Variants in KCNAB1 observed in about 807,000 individuals in gnomAD.
KCNAB1 encodes the protein potassium voltage-gated channel subfamily A regulatory beta subunit 1, also known as voltage-gated potassium channel subunit beta-1.
A neutral mutation model predicts 64.6 loss-of-function variants in KCNAB1; 35 were observed. The observed-to-expected ratio is 0.54, with a 90% CI of 0.41 to 0.72. The LOEUF is 0.72. KCNAB1 is among the 30% of genes least tolerant of loss of function. KCNAB1 has a pLI of 0.00. For synonymous variants in KCNAB1, 177 were observed against 183.8 expected (o/e 0.96, Z 0.30); for missense variants, 401 against 512.9 (o/e 0.78, Z 2.11).
intron 1 of KCNAB1, among the ~76,000 whole-genome samples, chr3:156,224,539 C>G (rs1716029424): frequency 6.6e-6 from 1 of 152,158 alleles, no homozygotes; most frequent in Non-Finnish European, 1.5e-5. Context: ...CAATTCAAAC[C>G]CAAACCCAGC....
chr3:156,217,695 C>T (rs1715411921), intron 1 of KCNAB1, among the ~76,000 whole-genome samples: 1 of 152,210 alleles, frequency 6.6e-6, no homozygotes, highest in Non-Finnish European at 1.5e-5. Context: ...AAAGAGTGCT[C>T]ATTATTTAAC....
chr3:156,158,190 ATAAAT>A (rs1560112472), intron 1 of KCNAB1, among the ~76,000 whole-genome samples: 3,088 of 126,274 alleles, frequency 0.024, 97 homozygotes, highest in Middle Eastern at 0.076. Flanking sequence ...AAATAAATAA[ATAAAT>A]AAATAAATAA....
intron 3 of KCNAB1, among the ~76,000 whole-genome samples, chr3:156,455,763 T>C (rs1394419603): frequency 6.6e-6 from 1 of 152,186 alleles, no homozygotes; most frequent in Non-Finnish European, 1.5e-5. Context: ...TGGGTCTTTG[T>C]GTATCGACTG....
At chr3:156,497,275 A>C (rs1275592581) in intron 8 of KCNAB1, among the ~76,000 whole-genome samples, 1 of 152,234 alleles carries the variant, frequency 6.6e-6, no homozygotes, top group Non-Finnish European at 1.5e-5. Flanking sequence ...ATCTCCTTCC[A>C]GACATGTGCC....
At chr3:156,531,569 C>A in intron 13 of KCNAB1, 72 bp downstream of exon 13, 2 of 1,105,484 alleles carry the variant, frequency 1.8e-6, no homozygotes, top group Non-Finnish European at 2.8e-6. Context: ...GGCAGTGTCC[C>A]ATCTCTCCCC....
intron 1 of KCNAB1, among the ~76,000 whole-genome samples, chr3:156,151,468 C>G (rs1325582677): frequency 6.6e-6 from 1 of 152,128 alleles, no homozygotes; most frequent in African/African-American, 2.4e-5. Flanking sequence ...AAGGCCAGAA[C>G]TATTTTAAAA....
At chr3:156,349,565 T>G (rs1724721004) in intron 1 of KCNAB1, among the ~76,000 whole-genome samples, 2 of 152,162 alleles carry the variant, frequency 1.3e-5, no homozygotes, top group African/African-American at 4.8e-5. Flanking sequence ...CTTGCCTTTC[T>G]CCTTCTTGTT....
At chr3:156,275,411 A>C (rs911825072) in intron 1 of KCNAB1, among the ~76,000 whole-genome samples, 1 of 152,136 alleles carries the variant, frequency 6.6e-6, no homozygotes, top group African/African-American at 2.4e-5. Context: ...GTGGTTGCTG[A>C]AGGATGGGGT....
chr3:156,314,256 G>T (rs550717505), intron 1 of KCNAB1, among the ~76,000 whole-genome samples: 1 of 151,062 alleles, frequency 6.6e-6, no homozygotes, highest in East Asian at 1.9e-4. Context: ...CATGTATTTG[G>T]TATGTTAGGT....
intron 1 of KCNAB1, among the ~76,000 whole-genome samples, chr3:156,243,869 G>A (rs978796624): frequency 2.0e-5 from 3 of 152,166 alleles, no homozygotes; most frequent in African/African-American, 7.2e-5. Flanking sequence ...CTAGTAGGCT[G>A]TAGCCTCCCC....
chr3:156,504,751 G>GTTTT (rs71302274), intron 8 of KCNAB1, among the ~76,000 whole-genome samples: 6 of 132,746 alleles, frequency 4.5e-5, no homozygotes, highest in South Asian at 2.4e-4. Flanking sequence ...TGTTTTTTTT[G>GTTTT]TTTTTTTTTT....
intron 4 of KCNAB1, among the ~76,000 whole-genome samples, chr3:156,459,378 A>G (rs1415383867): frequency 6.6e-6 from 1 of 152,184 alleles, no homozygotes; most frequent in African/African-American, 2.4e-5. Context: ...AAACCCACAC[A>G]TCGGTTCTCA....
intron 11 of KCNAB1, chr3:156,523,616 A>G (rs1718100455): frequency 1.9e-6 from 1 of 514,450 alleles, no homozygotes. Flanking sequence ...AATGGTGAAT[A>G]TTAGTCAAAA....
At chr3:156,230,556 A>T (rs1363369623) in intron 1 of KCNAB1, among the ~76,000 whole-genome samples, 1 of 152,230 alleles carries the variant, frequency 6.6e-6, no homozygotes, top group African/African-American at 2.4e-5. Context: ...TGTAATATAC[A>T]GTGACACTGG....
chr3:156,401,869 CTT>C (rs60709682), intron 1 of KCNAB1, among the ~76,000 whole-genome samples: 25 of 145,574 alleles, frequency 1.7e-4, no homozygotes, highest in African/African-American at 2.2e-4. Context: ...AGATTTCCAA[CTT>C]TTTTTTTTTT....
chr3:156,455,203 G>A (rs934004714), intron 3 of KCNAB1, among the ~76,000 whole-genome samples: 2 of 152,190 alleles, frequency 1.3e-5, no homozygotes, highest in African/African-American at 2.4e-5. Flanking sequence ...CACCTACCTC[G>A]ATTTTCCTGC....
chr3:156,225,450 C>T (rs559078650), intron 1 of KCNAB1, among the ~76,000 whole-genome samples: 1 of 152,106 alleles, frequency 6.6e-6, no homozygotes, highest in African/African-American at 2.4e-5. Flanking sequence ...TATGACAAAC[C>T]CACAGCCAAT....
chr3:156,505,432 G>A (rs548436287), intron 8 of KCNAB1, among the ~76,000 whole-genome samples: 18 of 152,216 alleles, frequency 1.2e-4, no homozygotes, highest in Middle Eastern at 3.4e-3. Flanking sequence ...CTCTATTTCT[G>A]CAAAGAATGT....
chr3:156,360,693 G>C (rs1298867988), intron 1 of KCNAB1, among the ~76,000 whole-genome samples: 1 of 151,046 alleles, frequency 6.6e-6, no homozygotes, highest in Admixed American at 6.6e-5. Context: ...CAGCCTGGGT[G>C]ACAGAGCAAG....
Sources: gnomAD v4.1 joint callset for allele counts (sites outside exome capture counted in the v4.1 genomes callset) on GRCh38, gnomAD v4.1.1 for gene constraint, MANE v1.5 for transcripts, NCBI Gene and HGNC (gene_info 2026-07-23, HGNC 2026-07-21) for gene names.